RAMP1: variants seen among roughly 807,000 people sequenced by gnomAD.
RAMP1 encodes the protein receptor activity-modifying protein 1.
Under a neutral mutation model 8.2 loss-of-function variants are expected in RAMP1, and 7 were observed. That is an observed-to-expected ratio of 0.85 (90% CI 0.49 to 1.60). The LOEUF (loss-of-function observed/expected upper bound fraction) is 1.60, where lower values mean the gene tolerates loss of function less well. RAMP1 is among the 40% of genes most tolerant of loss of function. The pLI is 0.00. For synonymous variants in RAMP1, 92 were observed against 84.7 expected (o/e 1.09, Z -0.47); for missense variants, 192 against 202.4 (o/e 0.95, Z 0.31).
intron 1 of RAMP1, among the ~76,000 whole-genome samples, chr2:237,873,450 C>T (rs1316814153): frequency 6.6e-6 from 1 of 152,202 alleles, no homozygotes; most frequent in Non-Finnish European, 1.5e-5. Context: ...CACCCTGTCA[C>T]TTTGCTTGAG....
intron 2 of RAMP1, among the ~76,000 whole-genome samples, chr2:237,881,691 T>C (rs2062369984): frequency 6.6e-6 from 1 of 152,262 alleles, no homozygotes; most frequent in Non-Finnish European, 1.5e-5. Flanking sequence ...ATCTTTCGTA[T>C]GTTTACAGGC....
At chr2:237,868,261 C>G (rs1576533852) in intron 1 of RAMP1, among the ~76,000 whole-genome samples, 2 of 152,078 alleles carry the variant, frequency 1.3e-5, no homozygotes, top group Admixed American at 6.5e-5. Flanking sequence ...CCAGGCTGCT[C>G]TCGAACTCCT....
chr2:237,910,382 G>T (rs1048244585), intron 2 of RAMP1, among the ~76,000 whole-genome samples: 1 of 142,156 alleles, frequency 7.0e-6, no homozygotes, highest in South Asian at 2.3e-4. Flanking sequence ...GAATAACACA[G>T]TCACACACAC....
chr2:237,891,246 G>A (rs2062485544), intron 2 of RAMP1, among the ~76,000 whole-genome samples: 1 of 151,246 alleles, frequency 6.6e-6, no homozygotes, highest in African/African-American at 2.4e-5. Flanking sequence ...CGCCTCCCGG[G>A]TTCACGCCAT....
At chr2:237,909,660 G>A (rs2062690136) in intron 2 of RAMP1, among the ~76,000 whole-genome samples, 1 of 152,164 alleles carries the variant, frequency 6.6e-6, no homozygotes, top group African/African-American at 2.4e-5. Context: ...TGCTGCAAGA[G>A]GCACTTGACA....
At chr2:237,898,716 C>T (rs963441097) in intron 2 of RAMP1, among the ~76,000 whole-genome samples, 9 of 152,232 alleles carry the variant, frequency 5.9e-5, no homozygotes, top group African/African-American at 1.4e-4. Flanking sequence ...CACACGCAGA[C>T]GTAGGTGGGA....
At chr2:237,869,777 A>C (rs559998810) in intron 1 of RAMP1, 1 of 152,298 alleles carries the variant, frequency 6.6e-6, no homozygotes, top group South Asian at 2.1e-4. Context: ...GCATATACCC[A>C]GGGCATATAC....
At chr2:237,904,027 C>G (rs987879176) in intron 2 of RAMP1, among the ~76,000 whole-genome samples, 8 of 152,248 alleles carry the variant, frequency 5.3e-5, no homozygotes, top group African/African-American at 1.9e-4. Context: ...GTGTGAGCCA[C>G]CACGCCCAGC....
In RAMP1 at chr2:237,877,321, C is replaced by A; in HGVS notation, c.150C>A (p.Ala50=). Residue 50 remains alanine (A), a synonymous_variant, in exon 2 of 3, where the codon GCC becomes GCA. Transcript: ENST00000254661. The surrounding 1 kb of genome is among the most constrained non-coding windows in gnomAD (Gnocchi z 4.4). ...CLTQFQVDME[A]VGETLWCDWG... is the part of the protein sequence containing the mutation. ...CCCAGTTCCAGGTAGACATGGAGGC[C>A]GTCGGGGAGACGCTGTGGTGTGACT... The A allele has an allele frequency of 6.2e-7, 1 of 1,613,952 alleles. No individual in the cohort carries two copies.
intron 2 of RAMP1, among the ~76,000 whole-genome samples, chr2:237,905,632 G>A (rs2062643488): frequency 1.3e-5 from 2 of 152,234 alleles, no homozygotes; most frequent in Admixed American, 6.5e-5. Context: ...TCAGGATCAT[G>A]TGTCACTGGA....
chr2:237,911,417 G>A lies in RAMP1; in HGVS notation c.192-111G>A, dbSNP rs566285810. 2,888 of 1,451,566 alleles carry A rather than the reference G, an allele frequency of 2.0e-3. 9 individuals are homozygous for A. Among genetic ancestry groups the A allele is most frequent in the Middle Eastern group, 3.3e-3 (13 of 3,952 alleles). The allele number at this position is 1,451,566 out of a possible 1,614,324, so 89.9% of individuals were successfully genotyped here. On this transcript the variant is annotated intron_variant, in intron 2 of 2. Coordinates refer to ENST00000254661, the MANE Select transcript of RAMP1 (RefSeq NM_005855.4). ...ACTGCCTCGGCGTCGGGGCTTCTCC[G>A]AGCCAAGCTTCAGGGCTGCATGAGG...
chr2:237,880,682 A>C (rs1440064561), intron 2 of RAMP1, among the ~76,000 whole-genome samples: 3 of 152,030 alleles, frequency 2.0e-5, no homozygotes, highest in Non-Finnish European at 4.4e-5. Flanking sequence ...CAGGCTGGAA[A>C]CTCTTGGGAG....
At chr2:237,876,204 A>C (rs1366346890) in intron 1 of RAMP1, among the ~76,000 whole-genome samples, 2 of 152,066 alleles carry the variant, frequency 1.3e-5, no homozygotes, top group Non-Finnish European at 2.9e-5. Context: ...GGAGACTGGT[A>C]CTCCAGAACC....
intron 2 of RAMP1, among the ~76,000 whole-genome samples, chr2:237,901,174 A>G (rs1286606648): frequency 3.3e-5 from 5 of 152,052 alleles, no homozygotes; most frequent in Non-Finnish European, 5.9e-5. Context: ...ACCCCTGCTC[A>G]CCTTCTGTCT....
intron 1 of RAMP1, among the ~76,000 whole-genome samples, chr2:237,874,021 C>T (rs535833618): frequency 2.0e-5 from 3 of 152,164 alleles, no homozygotes; most frequent in African/African-American, 4.8e-5. Context: ...GTATGGCAGT[C>T]CCGCCCCTTG....
intron 2 of RAMP1, among the ~76,000 whole-genome samples, chr2:237,899,246 A>G (rs1248946534): frequency 2.0e-5 from 3 of 152,038 alleles, no homozygotes; most frequent in Admixed American, 2.0e-4. Context: ...AATTTTTTGT[A>G]TTTTAGTAGA....
rs1023779090 is a variant in RAMP1, at chr2:237,911,980, C to T, written c.*197C>T. 7.7e-6 allele frequency: 7 copies of T among 905,240 alleles called. No homozygotes were observed. In the Admixed American group the frequency reaches 8.8e-5, roughly 11 times the overall value. 56.1% of individuals were successfully genotyped at this position (905,240 alleles called of 1,614,324 possible). A position where few individuals can be genotyped will look rare whatever the true frequency, so the allele number is the denominator to read the frequency against. ...GGAAGCCCCCCTGGCTGGAGGCCAC[C>T]GCCACCCTAGGAAGGGGGCAGGGAC... On this transcript the variant is annotated 3_prime_UTR_variant, in exon 3 of 3. Coordinates refer to ENST00000254661, the MANE Select transcript of RAMP1 (RefSeq NM_005855.4).
chr2:237,879,250 G>A (rs1000270684), intron 2 of RAMP1, among the ~76,000 whole-genome samples: 2 of 152,120 alleles, frequency 1.3e-5, no homozygotes, highest in Non-Finnish European at 2.9e-5. Context: ...AATTTGTGTA[G>A]ATTGATTGTG....
At chr2:237,902,655 C>T (rs1366315460) in intron 2 of RAMP1, among the ~76,000 whole-genome samples, 1 of 152,116 alleles carries the variant, frequency 6.6e-6, no homozygotes, top group African/African-American at 2.4e-5. Context: ...CCTGTCTGCC[C>T]TGCACGCCTC....
Sources: gnomAD v4.1 joint callset for allele counts (sites outside exome capture counted in the v4.1 genomes callset) on GRCh38, gnomAD v4.1.1 for gene constraint, Gnocchi (gnomAD v3.1) non-coding constraint, MANE v1.5 for transcripts, NCBI Gene and HGNC (gene_info 2026-07-23, HGNC 2026-07-21) for gene names.